The following CACNA1E variants were observed in gnomAD, a reference collection of about 807,000 sequenced individuals.
CACNA1E encodes the protein calcium voltage-gated channel subunit alpha1 E, also known as voltage-dependent R-type calcium channel subunit alpha-1E.
A neutral mutation model predicts 259.2 loss-of-function variants in CACNA1E; 40 were observed. The observed-to-expected ratio is 0.15, with a 90% confidence interval of 0.12 to 0.20. The LOEUF (loss-of-function observed/expected upper bound fraction) is 0.20, where lower values mean the gene tolerates loss of function less well. Ranked by LOEUF, CACNA1E falls within the 10% of genes least tolerant of loss-of-function variation. The pLI is 1.00. For synonymous variants in CACNA1E, 1,104 were observed against 1,138.5 expected (o/e 0.97, Z 0.61); for missense variants, 1,874 against 3,040.1 (o/e 0.62, Z 9.02).
chr1:181,358,408 T>C (rs1306335788), intron 1 of CACNA1E, among the ~76,000 whole-genome samples: 1 of 152,250 alleles, frequency 6.6e-6, no homozygotes, highest in Non-Finnish European at 1.5e-5. Context: ...GAGATTTGTA[T>C]TGATTTCTAT....
At chr1:181,483,278 C>T (rs1663454835), upstream of CACNA1E, 1 of 153,302 alleles carries the variant, frequency 6.5e-6, no homozygotes, top group South Asian at 2.1e-4. Flanking sequence ...CTTCCCCCAA[C>T]CAATAAATCA....
intron 6 of CACNA1E, among the ~76,000 whole-genome samples, chr1:181,591,074 GA>G (rs1370685491): frequency 2.6e-5 from 4 of 152,172 alleles, no homozygotes; most frequent in Non-Finnish European, 5.9e-5. Context: ...CCACTGTAAA[GA>G]AAGGTATATT....
At chr1:181,542,183 A>G (rs752011723) in intron 3 of CACNA1E, among the ~76,000 whole-genome samples, 3 of 152,178 alleles carry the variant, frequency 2.0e-5, no homozygotes, top group East Asian at 1.9e-4. Flanking sequence ...CTTGACTCCA[A>G]CTGTGGTTGG....
rs577018210 is a variant in CACNA1E at position 181,352,267 on chromosome 1, A to G, written c.-15+34144A>G. 6.6e-5 allele frequency among the ~76,000 whole-genome samples: 10 copies of G among 152,270 alleles called. No individual in the cohort carries two copies. The South Asian group carries it at 1.9e-3, about 28-fold the overall frequency. On this transcript the variant is annotated intron_variant, in intron 1 of 11. Transcript: ENST00000524607. Reference sequence around the variant, plus strand: ...GACTCTTATAAAAAGCCTTTTGACCAGGAGTAAAAGGGCGGAGAGCAGTGG... The same window carrying G: ...GACTCTTATAAAAAGCCTTTTGACCGGGAGTAAAAGGGCGGAGAGCAGTGG...
At chr1:181,610,946 T>G (rs1163799904) in intron 6 of CACNA1E, among the ~76,000 whole-genome samples, 1 of 152,220 alleles carries the variant, frequency 6.6e-6, no homozygotes, top group Non-Finnish European at 1.5e-5. Context: ...TACTACAATT[T>G]TTTTTTCTTA....
chr1:181,478,213 G>C (rs181356525), intron 2 of CACNA1E, among the ~76,000 whole-genome samples: 2 of 152,260 alleles, frequency 1.3e-5, no homozygotes, highest in East Asian at 1.9e-4. Context: ...GGAAGTGATG[G>C]GTTGTCATAA....
At chr1:181,600,438 A>G (rs1371710795) in intron 6 of CACNA1E, among the ~76,000 whole-genome samples, 3 of 152,230 alleles carry the variant, frequency 2.0e-5, no homozygotes, top group African/African-American at 7.2e-5. Context: ...TGGCCATGGC[A>G]GGGCAAGAGT....
intron 7 of CACNA1E, among the ~76,000 whole-genome samples, chr1:181,700,613 CTG>C (rs1303256540): frequency 1.3e-5 from 2 of 152,132 alleles, no homozygotes; most frequent in African/African-American, 4.8e-5. Context: ...CTAGTACAGA[CTG>C]TGTGATATGG....
intron 6 of CACNA1E, among the ~76,000 whole-genome samples, chr1:181,611,799 G>T (rs1176828868): frequency 1.3e-5 from 2 of 152,222 alleles, no homozygotes; most frequent in African/African-American, 4.8e-5. Context: ...ATGGTTGGCA[G>T]ATTTCTTCTT....
At chr1:181,552,140 C>T (rs998541483) in intron 3 of CACNA1E, among the ~76,000 whole-genome samples, 13 of 152,214 alleles carry the variant, frequency 8.5e-5, no homozygotes, top group African/African-American at 3.1e-4. Context: ...GAATGAACCA[C>T]AGTACTCGAC....
At chr1:181,605,586 A>G (rs77643743) in intron 6 of CACNA1E, among the ~76,000 whole-genome samples, 5,363 of 152,312 alleles carry the variant, frequency 0.035, 340 homozygotes, top group African/African-American at 0.12. Flanking sequence ...ATCAACACCC[A>G]GTGTTCTTAG....
intron 6 of CACNA1E, among the ~76,000 whole-genome samples, chr1:181,643,521 C>T (rs1052986980): frequency 4.6e-5 from 7 of 152,136 alleles, no homozygotes; most frequent in African/African-American, 1.7e-4. Context: ...ACACGGGTAC[C>T]TGCCTGCCCA....
chr1:181,401,356 T>C (rs550084573), intron 1 of CACNA1E, among the ~76,000 whole-genome samples: 2 of 152,318 alleles, frequency 1.3e-5, no homozygotes, highest in East Asian at 3.9e-4. Flanking sequence ...AGACCCTCTA[T>C]AGCCTCCCAG....
chr1:181,661,507 A>G (rs1029153871), intron 7 of CACNA1E, among the ~76,000 whole-genome samples: 1 of 152,072 alleles, frequency 6.6e-6, no homozygotes, highest in African/African-American at 2.4e-5. Context: ...TTCTGAATTG[A>G]GACTGTAGGT....
rs746953505 is a variant in CACNA1E, at chr1:181,750,504, A to G, written c.3731+17A>G. On this transcript the variant is annotated intron_variant, in intron 26 of 47. Coordinates refer to ENST00000367573, the MANE Select transcript of CACNA1E (RefSeq NM_001205293.3). ...CGCTTTGGGGTAAATATGTTCGATT[A>G]TCTTTGAAGTAAACGATACAAGGAA... is the stretch of plus-strand genomic sequence containing the variant. The G allele has an allele frequency of 6.2e-7, 1 of 1,610,774 alleles. No individual in the cohort carries two copies. Among genetic ancestry groups the G allele is most frequent in the South Asian group, 1.1e-5 (1 of 90,972 alleles).
At chr1:181,514,192 T>C (rs1377439097) in intron 3 of CACNA1E, among the ~76,000 whole-genome samples, 1 of 152,162 alleles carries the variant, frequency 6.6e-6, no homozygotes, top group Non-Finnish European at 1.5e-5. Flanking sequence ...AGATGCACGT[T>C]TTTCATGCTG....
At chr1:181,513,015 G>C (rs1373145557) in intron 3 of CACNA1E, among the ~76,000 whole-genome samples, 3 of 152,132 alleles carry the variant, frequency 2.0e-5, no homozygotes, top group Non-Finnish European at 4.4e-5. Flanking sequence ...GAAAAGTGTT[G>C]TATAAGTCAC....
chr1:181,332,131 A>G (rs1651321225), intron 1 of CACNA1E, among the ~76,000 whole-genome samples: 1 of 152,222 alleles, frequency 6.6e-6, no homozygotes, highest in Non-Finnish European at 1.5e-5. Flanking sequence ...ATCAAATACT[A>G]CGTGTTCTCA....
At chr1:181,587,808 G>A (rs1016047175) in intron 6 of CACNA1E, among the ~76,000 whole-genome samples, 11 of 152,332 alleles carry the variant, frequency 7.2e-5, no homozygotes, top group Non-Finnish European at 1.2e-4. Context: ...GTGTGAACCC[G>A]GGAGGTGGAG....
Sources: gnomAD v4.1 joint callset for allele counts (sites outside exome capture counted in the v4.1 genomes callset) on GRCh38, gnomAD v4.1.1 for gene constraint, MANE v1.5 for transcripts, NCBI Gene and HGNC (gene_info 2026-07-23, HGNC 2026-07-21) for gene names.